HTR2A: variants seen among roughly 807,000 people sequenced by gnomAD.
HTR2A encodes the protein 5-hydroxytryptamine receptor 2A.
In HTR2A, 14 loss-of-function variants were observed where a neutral mutation model predicts 31.0. The ratio of observed to expected loss-of-function variants is 0.45; its 90% CI spans 0.30 to 0.71. The LOEUF is 0.71. HTR2A is among the 30% of genes least tolerant of loss of function. The probability of loss-of-function intolerance (pLI) is 0.09; values close to 1 mark genes in which losing one functional copy is unlikely to be tolerated. For missense variants in HTR2A, 442 were observed against 573.3 expected (o/e 0.77, Z 2.34); for synonymous variants, 209 against 225.2 (o/e 0.93, Z 0.64).
intron 2 of HTR2A, among the ~76,000 whole-genome samples, chr13:46,893,211 G>T (rs1312234712): frequency 6.6e-6 from 1 of 152,124 alleles, no homozygotes; most frequent in African/African-American, 2.4e-5. Context: ...TGAAGACAAG[G>T]GTGAAGAAAA....
At chr13:46,890,216 G>A (rs1002343935) in intron 3 of HTR2A, among the ~76,000 whole-genome samples, 3 of 152,232 alleles carry the variant, frequency 2.0e-5, no homozygotes, top group African/African-American at 7.2e-5. Context: ...GGTGGCACAT[G>A]CCTGTAATCC....
chr13:46,859,823 G>C (rs1291943180), intron 3 of HTR2A, among the ~76,000 whole-genome samples: 2 of 152,138 alleles, frequency 1.3e-5, no homozygotes, highest in Non-Finnish European at 2.9e-5. Context: ...AGAGTGGACT[G>C]ATACAAGGTA....
At chr13:46,856,621 A>G (rs2138208337) in intron 3 of HTR2A, among the ~76,000 whole-genome samples, 1 of 152,236 alleles carries the variant, frequency 6.6e-6, no homozygotes, top group East Asian at 1.9e-4. Flanking sequence ...AAAAAACACT[A>G]GGCTGAATGG....
chr13:46,838,111 G>C (rs74444521), intron 3 of HTR2A, among the ~76,000 whole-genome samples: 2,628 of 152,296 alleles, frequency 0.017, 64 homozygotes, highest in African/African-American at 0.055. Flanking sequence ...AAAAGTAAGG[G>C]CATGATTTCT....
intron 3 of HTR2A, among the ~76,000 whole-genome samples, chr13:46,869,191 A>G (rs529384393): frequency 6.6e-6 from 1 of 152,332 alleles, no homozygotes; most frequent in African/African-American, 2.4e-5. Context: ...CCTATATTTG[A>G]TAAGGGTTTA....
intron 3 of HTR2A, among the ~76,000 whole-genome samples, 195 bp downstream of exon 3, chr13:46,892,195 T>C (rs1271172806): frequency 6.6e-6 from 1 of 152,280 alleles, no homozygotes; most frequent in East Asian, 1.9e-4. Context: ...TACAAATTCA[T>C]GTTGTCAGCC....
At chr13:46,852,336 C>G (rs1950692187) in intron 3 of HTR2A, 1 of 152,378 alleles carries the variant, frequency 6.6e-6, no homozygotes, top group African/African-American at 2.4e-5. Flanking sequence ...GGGACTCGCT[C>G]TGGCGCTTGG....
rs1325474177 is a variant in HTR2A at position 46,878,455 on chromosome 13, G to T, written c.613+13935C>A. On this transcript the variant is annotated intron_variant, in intron 3 of 3. Transcript: ENST00000542664. ...GCTATAAGCAGCCACAGGGTACTTG[G>T]ATGCCGGGGGTTGAAGCCCTGGGAA... Among the ~76,000 whole-genome samples the T allele has an allele frequency of 5.9e-5, 9 of 152,168 alleles. No homozygotes were observed. In the East Asian group the frequency reaches 1.7e-3, roughly 29 times the overall value.
In HTR2A at chr13:46,832,373, A is replaced by T. The variant is rs1876275541; in HGVS notation, c.*2464T>A. 1 of 152,244 alleles carries T rather than the reference A, an allele frequency of 6.6e-6. No homozygotes were observed. The highest frequency in any genetic ancestry group is 6.5e-5 in the Admixed American group (1 of 15,284). 9.4% of individuals were successfully genotyped at this position (152,244 alleles called of 1,614,324 possible). ...TGCATGAGAACATGTCTGTACATATATACAGCTACACATTTGCCTATACAG... is the reference window on the plus strand; with the variant it reads ...TGCATGAGAACATGTCTGTACATATTTACAGCTACACATTTGCCTATACAG... On this transcript the variant is annotated 3_prime_UTR_variant, in exon 4 of 4. Coordinates refer to ENST00000542664, the MANE Select transcript of HTR2A (RefSeq NM_000621.5).
intron 3 of HTR2A, among the ~76,000 whole-genome samples, chr13:46,867,818 C>T (rs1331695285): frequency 6.6e-6 from 1 of 152,222 alleles, no homozygotes; most frequent in Non-Finnish European, 1.5e-5. Flanking sequence ...ATCCAAGAGT[C>T]TCATGTCTTG....
intron 3 of HTR2A, among the ~76,000 whole-genome samples, chr13:46,837,280 T>C (rs1176619993): frequency 1.3e-5 from 2 of 152,172 alleles, no homozygotes; most frequent in African/African-American, 4.8e-5. Context: ...AGGTGTATCT[T>C]TCTCTACTGG....
chr13:46,888,779 G>T (rs549071694), intron 3 of HTR2A, among the ~76,000 whole-genome samples: 1 of 152,146 alleles, frequency 6.6e-6, no homozygotes, highest in African/African-American at 2.4e-5. Flanking sequence ...GAGCTAAAAG[G>T]TTCTAAAGTT....
chr13:46,833,999 T>C lies in HTR2A; in HGVS notation c.*838A>G, dbSNP rs994719735. 2.0e-5 allele frequency: 3 copies of C among 152,244 alleles called. No individual in the cohort carries two copies. Among genetic ancestry groups the C allele is most frequent in the African/African-American group, 4.8e-5 (2 of 41,460 alleles). The allele number at this position is 152,244 out of a possible 1,614,324, so 9.4% of individuals were successfully genotyped here. A position where few individuals can be genotyped will look rare whatever the true frequency, so the allele number is the denominator to read the frequency against. ...CATGATGCAGTCATTTCACAGCAAG[T>C]TACCAAATACCTCGATAGTGCTGTT... On this transcript the variant is annotated 3_prime_UTR_variant, in exon 4 of 4. Transcript: ENST00000542664.
rs201677040 is a variant in HTR2A at position 46,866,769 on chromosome 13, G to A, written c.613+25621C>T. 5.3e-5 allele frequency among the ~76,000 whole-genome samples: 8 copies of A among 152,338 alleles called. No individual in the cohort carries two copies. The East Asian group carries it at 1.5e-3, about 29-fold the overall frequency. On this transcript the variant is annotated intron_variant, in intron 3 of 3. Coordinates refer to ENST00000542664, the MANE Select transcript of HTR2A (RefSeq NM_000621.5). Reference sequence around the variant, plus strand: ...AGGCCAGGTACGGTGGCTCATGCCAGTAATCCCAGAACTTTGGGAGGCCAA... The same window carrying A: ...AGGCCAGGTACGGTGGCTCATGCCAATAATCCCAGAACTTTGGGAGGCCAA...
chr13:46,856,323 T>C (rs1374479903), intron 3 of HTR2A: 3 of 152,200 alleles, frequency 2.0e-5, no homozygotes, highest in South Asian at 2.1e-4. Context: ...TAATGACACT[T>C]CAATAAACCT....
At chr13:46,888,308 T>C (rs1342762041) in intron 3 of HTR2A, among the ~76,000 whole-genome samples, 2 of 152,072 alleles carry the variant, frequency 1.3e-5, no homozygotes, top group African/African-American at 4.8e-5. Flanking sequence ...CACAACTAAG[T>C]ACATCATGAT....
intron 3 of HTR2A, among the ~76,000 whole-genome samples, chr13:46,836,868 A>C (rs909346816): frequency 6.6e-6 from 1 of 152,338 alleles, no homozygotes; most frequent in Admixed American, 6.5e-5. Flanking sequence ...CCTTAATATT[A>C]AATGTAGAGT....
At chr13:46,885,057 T>C (rs1950996053) in intron 3 of HTR2A, among the ~76,000 whole-genome samples, 1 of 152,170 alleles carries the variant, frequency 6.6e-6, no homozygotes, top group South Asian at 2.1e-4. Flanking sequence ...ACTGTTTTTT[T>C]TTCCTGTATA....
chr13:46,866,339 C>T (rs1289766397), intron 3 of HTR2A, among the ~76,000 whole-genome samples: 1 of 152,102 alleles, frequency 6.6e-6, no homozygotes, highest in East Asian at 1.9e-4. Flanking sequence ...CCTCCCTTCT[C>T]TGCCTGCTTC....
Sources: allele counts gnomAD v4.1 joint callset (sites outside exome capture counted in the v4.1 genomes callset), GRCh38; gene constraint gnomAD v4.1.1; transcripts MANE v1.5; gene names NCBI Gene and HGNC (gene_info 2026-07-23, HGNC 2026-07-21).